The following ATP2B1 variants were observed in gnomAD, a reference collection of about 807,000 sequenced individuals.
ATP2B1 encodes ATPase plasma membrane Ca2+ transporting 1.
Under a neutral mutation model 124.2 loss-of-function variants are expected in ATP2B1, and 14 were observed. The ratio of observed to expected loss-of-function variants is 0.11; its 90% confidence interval spans 0.07 to 0.18. The LOEUF (loss-of-function observed/expected upper bound fraction) is 0.18. ATP2B1 is among the 10% of genes least tolerant of loss of function. ATP2B1 has a pLI of 1.00. For missense variants in ATP2B1, 763 were observed against 1,466.1 expected (o/e 0.52, Z 7.83); for synonymous variants, 449 against 492.4 (o/e 0.91, Z 1.17).
At chr12:89,679,948 GGAAAA>G (rs1344515578) in intron 1 of ATP2B1, among the ~76,000 whole-genome samples, 1 of 151,912 alleles carries the variant, frequency 6.6e-6, no homozygotes, top group Middle Eastern at 3.2e-3. Flanking sequence ...TGGCAGTAAA[GGAAAA>G]GAAGAGAAAA....
At position 89,695,512 on chromosome 12, in the gene ATP2B1, C is replaced by A. The variant is rs370210960; in HGVS notation, c.-222+13084G>T. The stretch of plus-strand genomic sequence containing the variant: ...TCATATATGATGTCACAGAAAGAGC[C>A]TGCCAAGACACCTTTAAATTTCCCT... On this transcript the variant is annotated intron_variant, in intron 1 of 20. Coordinates refer to ENST00000428670, the MANE Select transcript of ATP2B1 (RefSeq NM_001366521.1). 4.6e-5 allele frequency among the ~76,000 whole-genome samples: 7 copies of A among 151,926 alleles called. No homozygotes were observed. The East Asian group carries it at 1.2e-3, about 25-fold the overall frequency.
At chr12:89,627,396 CA>C (rs59737003) in intron 7 of ATP2B1, among the ~76,000 whole-genome samples, 5,384 of 91,254 alleles carry the variant, frequency 0.059, 276 homozygotes, top group African/African-American at 0.17. Flanking sequence ...TTCCAAAATC[CA>C]AAAAAAAAAA....
At chr12:89,625,013 T>G (rs916527301) in intron 8 of ATP2B1, among the ~76,000 whole-genome samples, 1 of 152,246 alleles carries the variant, frequency 6.6e-6, no homozygotes, top group African/African-American at 2.4e-5. Flanking sequence ...GGCTCACGCC[T>G]GTAATCCCCA....
chr12:89,658,812 C>T (rs866618093), intron 1 of ATP2B1, among the ~76,000 whole-genome samples: 1 of 152,206 alleles, frequency 6.6e-6, no homozygotes, highest in East Asian at 1.9e-4. Flanking sequence ...TTGATAAGCA[C>T]ATGAATATTA....
At chr12:89,690,552 G>A (rs1213881884) in intron 1 of ATP2B1, among the ~76,000 whole-genome samples, 2 of 151,366 alleles carry the variant, frequency 1.3e-5, no homozygotes, top group Non-Finnish European at 1.5e-5. Flanking sequence ...TCATTCTTGT[G>A]AGTTGAATTA....
chr12:89,708,058 T>G (rs1892708915), intron 1 of ATP2B1, among the ~76,000 whole-genome samples: 2 of 152,168 alleles, frequency 1.3e-5, no homozygotes, highest in Admixed American at 6.5e-5. Flanking sequence ...ATCACCGTCC[T>G]GACACGCCAA....
Position 89,604,432 on chromosome 12 carries a change from AG to A in ATP2B1, c.2443-87del, listed in dbSNP as rs1002595805. ...AAAAATACACACTTAATAAACAAAA[AG>A]TTTACCATTATACCTAATAAATATT... On this transcript the variant is annotated intron_variant, in intron 15 of 20. Coordinates refer to ENST00000428670, the MANE Select transcript of ATP2B1 (RefSeq NM_001366521.1). The A allele has an allele frequency of 4.8e-6, 5 of 1,043,084 alleles. No homozygotes were observed. The African/African-American group carries it at 8.2e-5, about 17-fold the overall frequency. The allele number at this position is 1,043,084 out of a possible 1,614,324, so 64.6% of individuals were successfully genotyped here.
intron 6 of ATP2B1, among the ~76,000 whole-genome samples, chr12:89,628,633 G>A (rs1473250657): frequency 6.6e-6 from 1 of 152,096 alleles, no homozygotes; most frequent in East Asian, 1.9e-4. Context: ...AGTAATGAAG[G>A]GACAGGCCTA....
chr12:89,663,508 G>A (rs1206966776), intron 1 of ATP2B1, among the ~76,000 whole-genome samples: 2 of 48,830 alleles, frequency 4.1e-5, no homozygotes, highest in Non-Finnish European at 7.8e-5. Flanking sequence ...AATCAACATG[G>A]TAATAAAGTT....
chr12:89,615,963 A>G (rs1365038946), intron 12 of ATP2B1, among the ~76,000 whole-genome samples: 1 of 152,212 alleles, frequency 6.6e-6, no homozygotes. Flanking sequence ...ATTACTTGTA[A>G]AACACATGGC....
At chr12:89,701,285 T>C (rs1228937188) in intron 1 of ATP2B1, among the ~76,000 whole-genome samples, 1 of 152,158 alleles carries the variant, frequency 6.6e-6, no homozygotes, top group Admixed American at 6.5e-5. Flanking sequence ...TTTCCCATCA[T>C]CTCTCTTTGA....
chr12:89,686,677 A>G (rs1890008621), intron 1 of ATP2B1, among the ~76,000 whole-genome samples: 1 of 152,148 alleles, frequency 6.6e-6, no homozygotes, highest in South Asian at 2.1e-4. Context: ...CTCTCTGGAC[A>G]AAGGCCATTT....
intron 1 of ATP2B1, among the ~76,000 whole-genome samples, chr12:89,665,853 A>G (rs548302961): frequency 6.6e-6 from 1 of 152,322 alleles, no homozygotes; most frequent in African/African-American, 2.4e-5. Flanking sequence ...GATGCTCATT[A>G]TGTCACTGAA....
Position 89,616,916 on chromosome 12 carries a change from T to A in ATP2B1, c.1953A>T (p.Ala651=), listed in dbSNP as rs774949866. The change falls in exon 12 of 21, where the codon GCA becomes GCT. Residue 651 remains alanine (A), a synonymous_variant. Coordinates refer to ENST00000428670, the MANE Select transcript of ATP2B1 (RefSeq NM_001366521.1). ...GTTCTCCTGCTGGAAAATCTCTGAA[T>A]GCAAGACATATGGTTCTCAAGCCTT... is the stretch of plus-strand genomic sequence containing the variant. ...ASEGLRTICL[A]FRDFPAGEPE... is the part of the protein sequence containing the mutation. 2.5e-6 allele frequency: 4 copies of A among 1,614,038 alleles called. No homozygotes were observed. Among genetic ancestry groups the A allele is most frequent in the Non-Finnish European group, 3.4e-6 (4 of 1,180,000 alleles).
At position 89,622,093 on chromosome 12, in the gene ATP2B1, C is replaced by CCA. The variant is rs1368968088; in HGVS notation, c.1345-304_1345-303dup. 2.0e-5 allele frequency among the ~76,000 whole-genome samples: 3 copies of CCA among 151,942 alleles called. 1 individual carries two copies. The highest frequency in any genetic ancestry group is 7.2e-5 in the African/African-American group (3 of 41,400). On this transcript the variant is annotated intron_variant, in intron 9 of 20. Coordinates refer to ENST00000428670, the MANE Select transcript of ATP2B1 (RefSeq NM_001366521.1). The stretch of plus-strand genomic sequence containing the variant: ...CACAAATAATACTGAATATATGTCT[C>CCA]CAACGGTTTTTGCAAAATGTCCTCA...
chr12:89,675,818 T>C (rs1888537523), intron 1 of ATP2B1, among the ~76,000 whole-genome samples: 1 of 152,188 alleles, frequency 6.6e-6, no homozygotes, highest in Non-Finnish European at 1.5e-5. Context: ...GTTAACTTTC[T>C]GGGGAAAGAT....
At position 89,655,698 on chromosome 12, in the gene ATP2B1, C is replaced by T; in HGVS notation, c.189G>A (p.Leu63=). The change falls in exon 2 of 21, where the codon TTG becomes TTA. Residue 63 remains leucine (L), a synonymous_variant. Transcript: ENST00000428670. The part of the protein sequence containing the change: ...YGDVYGICTK[L]KTSPNEGLSG... ...ACTCACCTTCATTGGGAGATGTTTT[C>T]AATTTGGTGCAAATTCCATAGACAT... 8.1e-6 allele frequency: 13 copies of T among 1,614,080 alleles called. No homozygotes were observed. The highest frequency in any genetic ancestry group is 1.1e-5 in the Non-Finnish European group (13 of 1,179,956).
chr12:89,638,549 C>A (rs1055223930), intron 3 of ATP2B1, among the ~76,000 whole-genome samples: 2 of 152,088 alleles, frequency 1.3e-5, no homozygotes, highest in South Asian at 2.1e-4. Context: ...ACAGGAGAAC[C>A]GAGCTATCTT....
chr12:89,632,095 T>C (rs190288784), intron 5 of ATP2B1, among the ~76,000 whole-genome samples: 4 of 152,198 alleles, frequency 2.6e-5, no homozygotes, highest in Admixed American at 2.0e-4. Flanking sequence ...AAAAGGCTTC[T>C]AATCCGTCTA....
Sources: gnomAD v4.1 joint callset for allele counts (sites outside exome capture counted in the v4.1 genomes callset) on GRCh38, gnomAD v4.1.1 for gene constraint, MANE v1.5 for transcripts, NCBI Gene and HGNC (gene_info 2026-07-23, HGNC 2026-07-21) for gene names.